GRID2: variants seen among roughly 807,000 people sequenced by gnomAD.
GRID2 encodes glutamate ionotropic receptor delta type subunit 2, also known as glutamate receptor ionotropic, delta-2.
Under a neutral mutation model 114.8 loss-of-function variants are expected in GRID2, and 33 were observed. That is an observed-to-expected ratio of 0.29 (90% CI 0.22 to 0.38). The LOEUF (loss-of-function observed/expected upper bound fraction) is 0.38, where lower values mean the gene tolerates loss of function less well. Ranked by LOEUF, GRID2 falls within the 10% of genes least tolerant of loss-of-function variation. The probability of loss-of-function intolerance (pLI) is 1.00; values close to 1 mark genes in which losing one functional copy is unlikely to be tolerated. For synonymous variants in GRID2, 505 were observed against 449.9 expected, an observed-to-expected ratio of 1.12 and a Z score of -1.55; for missense variants, 1,184 against 1,257.7, an observed-to-expected ratio of 0.94 and a Z score of 0.89.
intron 2 of GRID2, among the ~76,000 whole-genome samples, chr4:92,611,086 ATATATATGTGTGTGTG>A (rs933326745): frequency 7.4e-6 from 1 of 135,196 alleles, no homozygotes; most frequent in Non-Finnish European, 1.7e-5. Context: ...ATATGTGTGT[ATATATATGTGTGTGTG>A]TATATGTGTG....
At chr4:93,169,187 CTT>C (rs1738559843) in intron 4 of GRID2, among the ~76,000 whole-genome samples, 1 of 139,828 alleles carries the variant, frequency 7.2e-6, no homozygotes, top group Non-Finnish European at 1.6e-5. Context: ...CACACACAAA[CTT>C]AAAATAGGCT....
chr4:92,660,458 A>G (rs2149268752), intron 2 of GRID2, among the ~76,000 whole-genome samples: 1 of 151,440 alleles, frequency 6.6e-6, no homozygotes, highest in Middle Eastern at 3.4e-3. Flanking sequence ...CAAAAAGTGC[A>G]AAGAAATGAT....
chr4:93,453,357 AGAGTGTGT>A (rs1722895520), intron 10 of GRID2, among the ~76,000 whole-genome samples: 3 of 116,428 alleles, frequency 2.6e-5, no homozygotes, highest in African/African-American at 9.7e-5. Flanking sequence ...AGAGAGAGAG[AGAGTGTGT>A]GTATTTGTTA....
intron 2 of GRID2, among the ~76,000 whole-genome samples, chr4:92,826,800 G>A (rs938213242): frequency 1.3e-5 from 2 of 152,010 alleles, no homozygotes; most frequent in Middle Eastern, 3.2e-3. Context: ...ATTACAACAT[G>A]AGTTTTTCAT....
chr4:92,647,022 A>T lies in GRID2; in HGVS notation c.244+56736A>T, dbSNP rs180812047. On this transcript the variant is annotated intron_variant, in intron 2 of 15. Transcript: ENST00000282020. ...GTAGTAGCAGTACAACTTGTTCCCT[A>T]AAAAGCTAAATAGCCACAACAAATG... Among the ~76,000 whole-genome samples the T allele has an allele frequency of 2.7e-3, 410 of 152,308 alleles. 3 individuals are homozygous for T. The highest frequency in any genetic ancestry group is 6.8e-3 in the Middle Eastern group (2 of 294).
chr4:93,448,148 G>C (rs887474713), intron 10 of GRID2, among the ~76,000 whole-genome samples: 58 of 151,588 alleles, frequency 3.8e-4, no homozygotes, highest in African/African-American at 1.3e-3. Context: ...AAAAATCAAA[G>C]GAAAAGGGGA....
At chr4:93,080,113 A>G (rs1210124657) in intron 2 of GRID2, among the ~76,000 whole-genome samples, 2 of 152,146 alleles carry the variant, frequency 1.3e-5, no homozygotes, top group African/African-American at 4.8e-5. Flanking sequence ...GATGGTTGCT[A>G]AAAATCATAT....
intron 12 of GRID2, among the ~76,000 whole-genome samples, chr4:93,506,045 A>C (rs1253155823): frequency 6.6e-6 from 1 of 152,166 alleles, no homozygotes; most frequent in Non-Finnish European, 1.5e-5. Context: ...AGATTCTCTA[A>C]AATGGCCTGC....
At chr4:92,864,475 A>T (rs1006039981) in intron 2 of GRID2, among the ~76,000 whole-genome samples, 27 of 152,186 alleles carry the variant, frequency 1.8e-4, no homozygotes, top group Admixed American at 1.8e-3. Flanking sequence ...GACATCCTTT[A>T]TGGAAGGATA....
At chr4:92,554,966 G>A (rs1416830982) in intron 1 of GRID2, among the ~76,000 whole-genome samples, 2 of 152,092 alleles carry the variant, frequency 1.3e-5, no homozygotes, top group African/African-American at 4.8e-5. Flanking sequence ...ACTATAATAA[G>A]ATATTTTGCA....
intron 1 of GRID2, among the ~76,000 whole-genome samples, chr4:92,384,028 A>G (rs887124189): frequency 6.6e-5 from 10 of 151,864 alleles, no homozygotes; most frequent in African/African-American, 2.2e-4. Flanking sequence ...TAAGCATTAA[A>G]AAACAGGAGA....
At chr4:92,386,346 T>A (rs1408153752) in intron 1 of GRID2, among the ~76,000 whole-genome samples, 7 of 151,730 alleles carry the variant, frequency 4.6e-5, no homozygotes, top group Non-Finnish European at 1.0e-4. Context: ...ACCATGTATA[T>A]CCTACAGTAG....
chr4:92,642,636 TA>T (rs1037974741), intron 2 of GRID2, among the ~76,000 whole-genome samples: 1 of 151,616 alleles, frequency 6.6e-6, no homozygotes, highest in Admixed American at 6.6e-5. Context: ...TTGTTTTTTT[TA>T]AATGCAGAAG....
chr4:93,304,942 C>T (rs1280555931), intron 8 of GRID2, among the ~76,000 whole-genome samples: 1 of 152,076 alleles, frequency 6.6e-6, no homozygotes, highest in Non-Finnish European at 1.5e-5. Context: ...ACAATGACAT[C>T]CAAGAAATGA....
At chr4:93,079,862 T>C (rs1729697162) in intron 2 of GRID2, among the ~76,000 whole-genome samples, 1 of 152,118 alleles carries the variant, frequency 6.6e-6, no homozygotes, top group Non-Finnish European at 1.5e-5. Flanking sequence ...TGGCTGGTGA[T>C]CAACCATTTA....
At chr4:93,738,414 C>T (rs1731104434) in intron 14 of GRID2, among the ~76,000 whole-genome samples, 1 of 152,086 alleles carries the variant, frequency 6.6e-6, no homozygotes, top group Admixed American at 6.6e-5. Context: ...AATCTGTTAA[C>T]CACATAAAAG....
chr4:92,416,916 A>AT (rs532700566), intron 1 of GRID2, among the ~76,000 whole-genome samples: 37 of 151,374 alleles, frequency 2.4e-4, no homozygotes, highest in Non-Finnish European at 4.4e-4. Context: ...AAATTTTAGG[A>AT]TTTTTTTTCT....
At position 92,305,721 on chromosome 4, in the gene GRID2, T is replaced by C. The variant is rs1725365712; in HGVS notation, c.88+977T>C. Among the ~76,000 whole-genome samples the C allele has an allele frequency of 2.0e-5, 3 of 152,262 alleles. No individual in the cohort carries two copies. In the South Asian group the frequency reaches 6.2e-4, roughly 32 times the overall value. Reference sequence around the variant, plus strand: ...GGGGCGGGCGGGGGGCTGCGCGTCATTATCATGCACAGCGCTCGCAGCTTC... The same window carrying C: ...GGGGCGGGCGGGGGGCTGCGCGTCACTATCATGCACAGCGCTCGCAGCTTC... On this transcript the variant is annotated intron_variant, in intron 1 of 15. Transcript: ENST00000282020.
At chr4:92,489,742 CG>C (rs1373094692) in intron 1 of GRID2, among the ~76,000 whole-genome samples, 1 of 150,948 alleles carries the variant, frequency 6.6e-6, no homozygotes, top group Non-Finnish European at 1.5e-5. Context: ...GCTACTCAGG[CG>C]GCTGAGGCAG....
Sources: allele counts gnomAD v4.1 joint callset (sites outside exome capture counted in the v4.1 genomes callset), GRCh38; gene constraint gnomAD v4.1.1; transcripts MANE v1.5; gene names NCBI Gene and HGNC (gene_info 2026-07-23, HGNC 2026-07-21).